The following C12orf42 variants were observed in gnomAD, a reference collection of about 807,000 sequenced individuals.
C12orf42 encodes the protein chromosome 12 open reading frame 42.
C12orf42 carries 25 observed loss-of-function variants against 21.6 expected under a neutral mutation model. The ratio of observed to expected loss-of-function variants is 1.16; its 90% CI spans 0.84 to 1.62. The LOEUF (loss-of-function observed/expected upper bound fraction) is 1.62. Ranked by LOEUF, C12orf42 falls within the 40% of genes most tolerant of loss-of-function variation. The pLI is 0.00. For missense variants in C12orf42, 483 were observed against 459.3 expected (o/e 1.05, Z -0.47); for synonymous variants, 174 against 175.0 (o/e 0.99, Z 0.05).
At chr12:103,197,242 CTCTAA>C in the C12orf42 span, among the ~76,000 whole-genome samples, 2,909 of 152,252 alleles carry the variant, frequency 0.019, 35 homozygotes, top group East Asian at 0.028. Context: ...GAATGTAGGC[CTCTAA>C]TCTGTTCTGG....
chr12:103,129,457 C>T, the C12orf42 span, among the ~76,000 whole-genome samples: 51 of 152,200 alleles, frequency 3.4e-4, no homozygotes, highest in Admixed American at 3.3e-3. Context: ...GTGGGGTTTC[C>T]TTGGATTTAC....
chr12:103,051,560 G>C, the C12orf42 span, among the ~76,000 whole-genome samples: 1 of 152,028 alleles, frequency 6.6e-6, no homozygotes, highest in African/African-American at 2.4e-5. Context: ...CTTCTTTTAG[G>C]GATATCTTTG....
At chr12:103,535,228 A>C in the C12orf42 span, among the ~76,000 whole-genome samples, 2 of 152,316 alleles carry the variant, frequency 1.3e-5, no homozygotes, top group South Asian at 4.1e-4. Context: ...GGGGAAGAAA[A>C]GTTGCCTCAG....
intron 4 of C12orf42, among the ~76,000 whole-genome samples, chr12:103,288,898 C>CA (rs1380351003): frequency 6.6e-6 from 1 of 151,970 alleles, no homozygotes; most frequent in Non-Finnish European, 1.5e-5. Flanking sequence ...TAAACTTGAA[C>CA]AAAAAAAGTA....
chr12:103,205,778 T>C, the C12orf42 span, among the ~76,000 whole-genome samples: 2 of 152,112 alleles, frequency 1.3e-5, no homozygotes, highest in Non-Finnish European at 2.9e-5. Context: ...TAGAATACAA[T>C]GCTGACATGA....
the C12orf42 span, among the ~76,000 whole-genome samples, chr12:103,538,869 G>C: frequency 6.6e-6 from 1 of 152,162 alleles, no homozygotes; most frequent in African/African-American, 2.4e-5. Context: ...GGAAGCAAGA[G>C]AGAGCAGGGC....
At chr12:103,225,927 C>A in the C12orf42 span, among the ~76,000 whole-genome samples, 1 of 152,178 alleles carries the variant, frequency 6.6e-6, no homozygotes, top group Non-Finnish European at 1.5e-5. Context: ...CCTAGGCGAT[C>A]GGGCAGTGTC....
the C12orf42 span, among the ~76,000 whole-genome samples, chr12:103,551,682 T>A: frequency 1.3e-5 from 2 of 152,080 alleles, no homozygotes; most frequent in African/African-American, 4.8e-5. Flanking sequence ...CTGGAGATGA[T>A]GACATGCACC....
At chr12:103,136,912 C>A in the C12orf42 span, among the ~76,000 whole-genome samples, 3 of 152,098 alleles carry the variant, frequency 2.0e-5, no homozygotes, top group African/African-American at 7.2e-5. Flanking sequence ...AATTGTAAGA[C>A]CCAAAACTAT....
the C12orf42 span, among the ~76,000 whole-genome samples, chr12:103,085,866 G>A: frequency 3.9e-5 from 6 of 152,234 alleles, no homozygotes; most frequent in African/African-American, 1.2e-4. Flanking sequence ...CTGTTATTCA[G>A]CAGCCTAATT....
chr12:103,400,168 C>G (rs1419904122), intron 3 of C12orf42, among the ~76,000 whole-genome samples: 1 of 152,134 alleles, frequency 6.6e-6, no homozygotes, highest in Non-Finnish European at 1.5e-5. Context: ...GAGGATCTAG[C>G]TGATGCCAAG....
At chr12:103,496,965 AAGTTTGTAC>A (rs1248048672), upstream of C12orf42, among the ~76,000 whole-genome samples, 1 of 152,202 alleles carries the variant, frequency 6.6e-6, no homozygotes, top group Non-Finnish European at 1.5e-5. Context: ...AAAAAAAAGT[AAGTTTGTAC>A]TATTGACCCT....
chr12:103,544,289 A>G, the C12orf42 span, among the ~76,000 whole-genome samples: 2 of 152,296 alleles, frequency 1.3e-5, no homozygotes, highest in Admixed American at 6.5e-5. Flanking sequence ...TCTGCTGGGT[A>G]ATTCTAAGTT....
the C12orf42 span, among the ~76,000 whole-genome samples, chr12:103,163,972 G>A: frequency 6.6e-6 from 1 of 152,128 alleles, no homozygotes; most frequent in Non-Finnish European, 1.5e-5. Flanking sequence ...ACAGAGTTGG[G>A]GGGTCCAAAC....
chr12:103,119,735 A>G, the C12orf42 span, among the ~76,000 whole-genome samples: 2 of 152,364 alleles, frequency 1.3e-5, no homozygotes, highest in African/African-American at 4.8e-5. Flanking sequence ...TTAATTGGAA[A>G]GGTAAATAAA....
At chr12:103,486,515 G>A (rs1954845171) in intron 1 of C12orf42, among the ~76,000 whole-genome samples, 2 of 152,086 alleles carry the variant, frequency 1.3e-5, no homozygotes, top group South Asian at 4.1e-4. Flanking sequence ...CTATTGATTG[G>A]AATAATTTCA....
At chr12:103,260,740 TG>T (rs1222752706) in intron 10 of C12orf42, among the ~76,000 whole-genome samples, 1 of 152,238 alleles carries the variant, frequency 6.6e-6, no homozygotes, top group African/African-American at 2.4e-5. Context: ...AGGCATACCA[TG>T]CAAATGCATA....
At chr12:103,385,447 A>T (rs1334352371) in intron 3 of C12orf42, among the ~76,000 whole-genome samples, 1 of 152,206 alleles carries the variant, frequency 6.6e-6, no homozygotes, top group Non-Finnish European at 1.5e-5. Context: ...CAATAATTAT[A>T]CTTATGATGA....
At chr12:103,439,733 G>C (rs1262037338) in intron 2 of C12orf42, among the ~76,000 whole-genome samples, 1 of 152,158 alleles carries the variant, frequency 6.6e-6, no homozygotes, top group African/African-American at 2.4e-5. Context: ...AGTTAGAGTG[G>C]CAATCATTAA....
Sources: allele counts gnomAD v4.1 joint callset (sites outside exome capture counted in the v4.1 genomes callset), GRCh38; gene constraint gnomAD v4.1.1; transcripts MANE v1.5; gene names NCBI Gene and HGNC (gene_info 2026-07-23, HGNC 2026-07-21).